The following CFAP61 variants were observed in gnomAD, a reference collection of about 807,000 sequenced individuals.
CFAP61 encodes cilia and flagella associated protein 61.
CFAP61 carries 107 observed loss-of-function variants against 135.6 expected under a neutral mutation model. The observed-to-expected ratio is 0.79, with a 90% CI of 0.67 to 0.93. The LOEUF (loss-of-function observed/expected upper bound fraction) is 0.93, where lower values mean the gene tolerates loss of function less well. CFAP61 is among the 40% of genes least tolerant of loss of function. The pLI, the probability that CFAP61 is intolerant of heterozygous loss-of-function variation, is 0.00. For synonymous variants in CFAP61, 575 were observed against 578.5 expected (o/e 0.99, Z 0.09); for missense variants, 1,507 against 1,556.2 (o/e 0.97, Z 0.53).
chr20:20,202,493 T>C (rs1170701710), intron 17 of CFAP61, among the ~76,000 whole-genome samples: 1 of 152,248 alleles, frequency 6.6e-6, no homozygotes, highest in East Asian at 1.9e-4. Context: ...GGAATGGGCC[T>C]CGGTATTAAA....
chr20:20,355,619 G>A (rs1274628925), intron 26 of CFAP61, among the ~76,000 whole-genome samples: 1 of 144,408 alleles, frequency 6.9e-6, no homozygotes, highest in Non-Finnish European at 1.5e-5. Flanking sequence ...ACTGTGAGAG[G>A]GGAGAAGGTC....
chr20:20,326,986 ATTTAAG>A (rs1366870593), intron 25 of CFAP61, among the ~76,000 whole-genome samples: 4 of 152,020 alleles, frequency 2.6e-5, no homozygotes, highest in Non-Finnish European at 4.4e-5. Flanking sequence ...GCACATTTAT[ATTTAAG>A]TTTATTTTAG....
chr20:20,141,873 C>G (rs930485136), intron 8 of CFAP61, among the ~76,000 whole-genome samples: 3 of 152,186 alleles, frequency 2.0e-5, no homozygotes. Context: ...GAGACAGCAG[C>G]AGTCTCTGGA....
chr20:20,110,209 C>T (rs1391765609), intron 8 of CFAP61, among the ~76,000 whole-genome samples: 1 of 152,080 alleles, frequency 6.6e-6, no homozygotes, highest in Non-Finnish European at 1.5e-5. Context: ...CAAAGTTTTG[C>T]TCTACCAACT....
intron 21 of CFAP61, among the ~76,000 whole-genome samples, chr20:20,269,164 C>CACACACACAT (rs372986717): frequency 0.22 from 24,111 of 110,424 alleles, 3,378 homozygotes; most frequent in Middle Eastern, 0.29. Flanking sequence ...CACACACACA[C>CACACACACAT]ATACATATAT....
chr20:20,142,773 A>G (rs1377275428), intron 8 of CFAP61, 84 bp from the exon 9 acceptor site: 1 of 781,606 alleles, frequency 1.3e-6, no homozygotes, highest in Non-Finnish European at 2.2e-6. Context: ...GTCTAAAACC[A>G]TGTGACCATG....
At chr20:20,356,120 GGGAGGTAGTCACACTGAGA>G (rs1569332314) in intron 26 of CFAP61, among the ~76,000 whole-genome samples, 11 of 83,524 alleles carry the variant, frequency 1.3e-4, no homozygotes, top group South Asian at 5.1e-4. Context: ...TCACACTGAG[GGGAGGTAGTCACACTGAGA>G]GGAGGTGGTC....
At chr20:20,077,279 T>A (rs968642961) in intron 6 of CFAP61, among the ~76,000 whole-genome samples, 1 of 152,188 alleles carries the variant, frequency 6.6e-6, no homozygotes, top group African/African-American at 2.4e-5. Context: ...CATGAATCAA[T>A]CTCAGAAGGT....
At chr20:20,083,070 T>C (rs2046541031) in intron 6 of CFAP61, among the ~76,000 whole-genome samples, 1 of 152,192 alleles carries the variant, frequency 6.6e-6, no homozygotes, top group African/African-American at 2.4e-5. Context: ...AATTTACAAT[T>C]GCAAGGATAT....
At chr20:20,146,515 CTA>C (rs1196847609) in intron 9 of CFAP61, among the ~76,000 whole-genome samples, 1 of 152,184 alleles carries the variant, frequency 6.6e-6, no homozygotes, top group African/African-American at 2.4e-5. Flanking sequence ...TCACAATACT[CTA>C]TGATTTTTAG....
chr20:20,142,694 G>A (rs2051507570), intron 8 of CFAP61, among the ~76,000 whole-genome samples, 163 bp from the exon 9 acceptor site: 2 of 152,172 alleles, frequency 1.3e-5, no homozygotes, highest in Admixed American at 6.5e-5. Context: ...ATTCGGGGGG[G>A]CTGCGGAGAC....
At chr20:20,222,410 T>G (rs556017200) in intron 17 of CFAP61, among the ~76,000 whole-genome samples, 151 of 152,288 alleles carry the variant, frequency 9.9e-4, no homozygotes, top group Non-Finnish European at 1.8e-3. Flanking sequence ...TTGAGTATGC[T>G]CTATCCAGTG....
chr20:20,235,455 C>T (rs1056863014), intron 18 of CFAP61, among the ~76,000 whole-genome samples: 5 of 152,086 alleles, frequency 3.3e-5, no homozygotes, highest in African/African-American at 9.7e-5. Context: ...TGTGTCTTCA[C>T]GAGACCTGCA....
chr20:20,321,528 A>G (rs1460678961), intron 25 of CFAP61, among the ~76,000 whole-genome samples: 1 of 152,208 alleles, frequency 6.6e-6, no homozygotes, highest in Non-Finnish European at 1.5e-5. Context: ...TCATGGTTGT[A>G]TCTAACAGGA....
intron 10 of CFAP61, among the ~76,000 whole-genome samples, chr20:20,160,121 G>A (rs1031183025): frequency 6.6e-6 from 1 of 152,248 alleles, no homozygotes; most frequent in Non-Finnish European, 1.5e-5. Flanking sequence ...TTCCTAAGAA[G>A]CAGAGGAGGG....
intron 8 of CFAP61, among the ~76,000 whole-genome samples, chr20:20,118,428 C>T (rs1006203958): frequency 2.0e-5 from 3 of 151,498 alleles, no homozygotes; most frequent in Non-Finnish European, 4.4e-5. Flanking sequence ...AACACCTCCA[C>T]CTCCCAGGTT....
In CFAP61 at chr20:20,070,893, GGAGGA is replaced by G; in HGVS notation, c.186_190del (p.Glu62AspfsTer20). On this transcript the variant is annotated frameshift_variant, in exon 3 of 27. Transcript: ENST00000245957. LOFTEE classifies it high-confidence loss of function. ...TTGCTGTTACCCTCTGCAATGACAAGGAGGAGATCATGGCCCAGGCCACCTTCCTG... is the reference window on the plus strand; with the variant it reads ...TTGCTGTTACCCTCTGCAATGACAAGGATCATGGCCCAGGCCACCTTCCTG... The G allele has an allele frequency of 6.2e-7, 1 of 1,614,046 alleles. No individual in the cohort carries two copies. Among genetic ancestry groups the G allele is most frequent in the Non-Finnish European group, 8.5e-7 (1 of 1,179,954 alleles).
intron 26 of CFAP61, among the ~76,000 whole-genome samples, chr20:20,351,723 T>C (rs976095885): frequency 3.3e-5 from 5 of 152,028 alleles, no homozygotes; most frequent in Admixed American, 1.3e-4. Context: ...CTATAAAACA[T>C]TGATGAAAAA....
intron 17 of CFAP61, among the ~76,000 whole-genome samples, chr20:20,221,469 T>C (rs1251881323): frequency 6.6e-6 from 1 of 152,238 alleles, no homozygotes; most frequent in Non-Finnish European, 1.5e-5. Context: ...TGTACCTTTA[T>C]TTTATGTACT....
Sources: gnomAD v4.1 joint callset for allele counts (sites outside exome capture counted in the v4.1 genomes callset) on GRCh38, gnomAD v4.1.1 for gene constraint, MANE v1.5 for transcripts, NCBI Gene and HGNC (gene_info 2026-07-23, HGNC 2026-07-21) for gene names.